Variants in TMX3 observed in about 807,000 individuals in gnomAD.
TMX3 encodes protein disulfide-isomerase TMX3.
Under a neutral mutation model 64.4 loss-of-function variants are expected in TMX3, and 40 were observed. That is an observed-to-expected ratio of 0.62 (90% CI 0.48 to 0.81). The LOEUF is 0.81. Ranked by LOEUF, TMX3 falls within the 30% of genes least tolerant of loss-of-function variation. TMX3 has a pLI of 0.00. For synonymous variants in TMX3, 189 were observed against 175.7 expected, an observed-to-expected ratio of 1.08 and a Z score of -0.60; for missense variants, 497 against 534.5, an observed-to-expected ratio of 0.93 and a Z score of 0.69.
chr18:68,706,667 C>G (rs1377437229), intron 4 of TMX3, among the ~76,000 whole-genome samples: 2 of 152,058 alleles, frequency 1.3e-5, no homozygotes, highest in African/African-American at 4.8e-5. Context: ...TATGAAACAG[C>G]CAATCCTTTA....
rs1467572414 is a variant in TMX3 at position 68,687,746 on chromosome 18, C to T, written c.657G>A (p.Leu219=). The T allele has an allele frequency of 3.1e-6, 5 of 1,611,292 alleles. No individual in the cohort carries two copies. The East Asian group carries it at 1.1e-4, about 36-fold the overall frequency. Residue 219 remains leucine (L), a synonymous_variant, in exon 10 of 16, where the codon CTG becomes CTA. Transcript: ENST00000299608. ...FVYDEYEDGD[L]SSWINRERFQ... is the part of the protein sequence containing the mutation. Reference sequence around the variant, plus strand: ...ACCTTTCCCTGTTGATCCATGATGACAGATCACCATCTTCATACTCTTAAA... The same window carrying T: ...ACCTTTCCCTGTTGATCCATGATGATAGATCACCATCTTCATACTCTTAAA...
chr18:68,703,666 TATA>T (rs1246421637), intron 4 of TMX3, among the ~76,000 whole-genome samples: 1 of 152,126 alleles, frequency 6.6e-6, no homozygotes, highest in African/African-American at 2.4e-5. Context: ...GGAATGACAG[TATA>T]ACATTTAAAA....
At chr18:68,688,641 T>C (rs1251644810) in intron 9 of TMX3, 1 of 152,176 alleles carries the variant, frequency 6.6e-6, no homozygotes, top group East Asian at 1.9e-4. Context: ...ACCCATAAAA[T>C]AAGTGATGCA....
At chr18:68,707,928 T>C (rs1378269114) in intron 4 of TMX3, among the ~76,000 whole-genome samples, 1 of 149,474 alleles carries the variant, frequency 6.7e-6, no homozygotes, top group African/African-American at 2.5e-5. Context: ...TGTGTATATG[T>C]GTATATATGT....
chr18:68,699,214 G>A (rs185116378), intron 6 of TMX3, among the ~76,000 whole-genome samples: 1 of 152,086 alleles, frequency 6.6e-6, no homozygotes, highest in Non-Finnish European at 1.5e-5. Flanking sequence ...GTAACTAAAT[G>A]TAAGTGATGC....
chr18:68,679,401 C>T (rs1913212119), intron 15 of TMX3, 62 bp downstream of exon 15: 4 of 1,389,528 alleles, frequency 2.9e-6, no homozygotes, highest in Non-Finnish European at 3.0e-6. Context: ...ATTTTTAACA[C>T]AGCTAGACAT....
intron 6 of TMX3, among the ~76,000 whole-genome samples, chr18:68,698,738 C>T (rs1485641708): frequency 6.6e-6 from 1 of 151,746 alleles, no homozygotes; most frequent in Admixed American, 6.6e-5. Context: ...AGAAGAGGGC[C>T]GGGGGCGGTG....
chr18:68,703,684 C>A (rs1166302058), intron 4 of TMX3, among the ~76,000 whole-genome samples: 1 of 152,084 alleles, frequency 6.6e-6, no homozygotes, highest in African/African-American at 2.4e-5. Flanking sequence ...TTAAAAAAAG[C>A]CTTTGGGAGG....
intron 2 of TMX3, among the ~76,000 whole-genome samples, 160 bp downstream of exon 2, chr18:68,713,686 C>T (rs1488204302): frequency 6.6e-6 from 1 of 151,976 alleles, no homozygotes; most frequent in Non-Finnish European, 1.5e-5. Context: ...ATTAATAAAA[C>T]TCTTCTGGGC....
intron 8 of TMX3, among the ~76,000 whole-genome samples, chr18:68,696,248 G>C (rs1313019660): frequency 6.6e-6 from 1 of 152,038 alleles, no homozygotes; most frequent in African/African-American, 2.4e-5. Context: ...ATCTTGGTTT[G>C]ATGCAACCTC....
intron 1 of TMX3, 64 bp downstream of exon 1, chr18:68,714,872 C>CGGCCCCACGGCGGGGCCA: frequency 6.5e-7 from 1 of 1,544,482 alleles, no homozygotes. Flanking sequence ...GGTCCAATCC[C>CGGCCCCACGGCGGGGCCA]GGCCCCACGG....
Position 68,714,942 on chromosome 18 carries a change from C to T in TMX3, c.40G>A (p.Ala14Thr), listed in dbSNP as rs367625691. ...WKSWTALRLC[A>T]TVVVLDMVVC... ...ACCGCTGAGCCCCCATTACCTGTGG[C>T]GCAGAGCCGCAGGGCCGTCCAACTC... The change falls in exon 1 of 16, where the codon GCC (alanine) becomes ACC (threonine). Residue 14 changes from alanine (A) to threonine (T), a missense_variant. Around this residue, in one of 3 missense-constraint regions of TMX3, gnomAD observed 360 missense variants for 383.5 expected, o/e 0.94. Coordinates refer to ENST00000299608, the MANE Select transcript of TMX3 (RefSeq NM_019022.5). 5.1e-6 allele frequency: 8 copies of T among 1,567,160 alleles called. No homozygotes were observed. Among genetic ancestry groups the T allele is most frequent in the South Asian group, 1.2e-5 (1 of 85,146 alleles).
At chr18:68,702,061 T>C (rs2030139686) in intron 4 of TMX3, among the ~76,000 whole-genome samples, 1 of 150,096 alleles carries the variant, frequency 6.7e-6, no homozygotes, top group Non-Finnish European at 1.5e-5. Context: ...ATTTATAAAA[T>C]ACTTATTTTA....
intron 5 of TMX3, among the ~76,000 whole-genome samples, chr18:68,701,339 C>G (rs1473006461): frequency 6.6e-6 from 1 of 151,972 alleles, no homozygotes; most frequent in African/African-American, 2.4e-5. Context: ...AAAACAAGTC[C>G]TTTAGAATTA....
At chr18:68,712,195 C>T (rs9952913) in intron 2 of TMX3, among the ~76,000 whole-genome samples, 8,981 of 152,134 alleles carry the variant, frequency 0.059, 894 homozygotes, top group African/African-American at 0.2. Flanking sequence ...AATGGCTAAG[C>T]GAAACCCAGA....
intron 4 of TMX3, among the ~76,000 whole-genome samples, chr18:68,708,208 C>A (rs752847920): frequency 6.6e-6 from 1 of 151,952 alleles, no homozygotes; most frequent in African/African-American, 2.4e-5. Flanking sequence ...ATATTATTCT[C>A]CCTCTCTAAC....
At chr18:68,690,642 G>A (rs1914425888) in intron 9 of TMX3, among the ~76,000 whole-genome samples, 1 of 152,160 alleles carries the variant, frequency 6.6e-6, no homozygotes, top group Admixed American at 6.5e-5. Context: ...TAAAGCACAT[G>A]GTGATGAAAT....
intron 8 of TMX3, among the ~76,000 whole-genome samples, chr18:68,696,564 C>A (rs140146395): frequency 6.6e-6 from 1 of 151,700 alleles, no homozygotes; most frequent in Non-Finnish European, 1.5e-5. Flanking sequence ...GCAGCCTCTG[C>A]CTCCCAGGTT....
intron 8 of TMX3, among the ~76,000 whole-genome samples, chr18:68,696,115 C>T (rs564904480): frequency 6.6e-6 from 1 of 152,274 alleles, no homozygotes; most frequent in African/African-American, 2.4e-5. Context: ...ACCTACAGCA[C>T]CCATCCCACT....
Sources: gnomAD v4.1 joint callset for allele counts (sites outside exome capture counted in the v4.1 genomes callset) on GRCh38, gnomAD v4.1.1 for gene constraint, gnomAD v4.1.1 regional missense constraint, MANE v1.5 for transcripts, NCBI Gene and HGNC (gene_info 2026-07-23, HGNC 2026-07-21) for gene names.